DLEC1: variants seen among roughly 807,000 people sequenced by gnomAD.
DLEC1 encodes the protein DLEC1 cilia and flagella associated protein.
A neutral mutation model predicts 198.1 loss-of-function variants in DLEC1; 146 were observed. The ratio of observed to expected loss-of-function variants is 0.74; its 90% CI spans 0.64 to 0.85. DLEC1 has a LOEUF of 0.85. Ranked by LOEUF, DLEC1 falls within the 40% of genes least tolerant of loss-of-function variation. The probability of loss-of-function intolerance (pLI) is 0.00; values close to 1 mark genes in which losing one functional copy is unlikely to be tolerated. For synonymous variants in DLEC1, 897 were observed against 866.8 expected, an observed-to-expected ratio of 1.03 and a Z score of -0.61; for missense variants, 2,233 against 2,220.0, an observed-to-expected ratio of 1.01 and a Z score of -0.12.
intron 5 of DLEC1, 59 bp downstream of exon 5, chr3:38,062,860 T>C (rs758298323): frequency 8.9e-6 from 14 of 1,571,110 alleles, no homozygotes; most frequent in Middle Eastern, 1.7e-4. Flanking sequence ...TTAACCTAGA[T>C]GGTCCTCCGT....
chr3:38,082,528 G>C (rs1217197051), intron 6 of DLEC1, among the ~76,000 whole-genome samples: 1 of 152,192 alleles, frequency 6.6e-6, no homozygotes, highest in African/African-American at 2.4e-5. Context: ...AAGGGGTCAG[G>C]GCACGGAAAT....
At chr3:38,084,621 T>TGGTGGTGGTAGTAGTGGTGGTG (rs1553617798) in intron 7 of DLEC1, among the ~76,000 whole-genome samples, 1 of 126,390 alleles carries the variant, frequency 7.9e-6, no homozygotes, top group Non-Finnish European at 1.7e-5. Flanking sequence ...GTAGCAGTAC[T>TGGTGGTGGTAGTAGTGGTGGTG]GCTACTACTT....
rs1559472148 is a variant in DLEC1, at chr3:38,122,521, T to TCC, written c.*110_*111insCC. 1 of 1,611,862 alleles carries TCC rather than the reference T, an allele frequency of 6.2e-7. No individual in the cohort carries two copies. The highest frequency in any genetic ancestry group is 1.7e-5 in the Admixed American group (1 of 59,966). ...ACACAGACTTGGGGACCTGGGGACC[T>TCC]CTGGGCAGCTCCTGGAATGGAAGAA... On this transcript the variant is annotated 3_prime_UTR_variant, in exon 37 of 37. Coordinates refer to ENST00000308059, the MANE Select transcript of DLEC1 (RefSeq NM_007335.4).
intron 6 of DLEC1, among the ~76,000 whole-genome samples, chr3:38,067,880 G>A (rs2125627661): frequency 6.6e-6 from 1 of 151,024 alleles, no homozygotes; most frequent in South Asian, 2.1e-4. Flanking sequence ...AGCCTCCTGT[G>A]TAACTGGGAT....
Position 38,097,568 on chromosome 3 carries a change from C to T in DLEC1, c.2496C>T (p.Ser832=). The T allele has an allele frequency of 6.2e-7, 1 of 1,614,188 alleles. No individual in the cohort carries two copies. Among genetic ancestry groups the T allele is most frequent in the Non-Finnish European group, 8.5e-7 (1 of 1,180,040 alleles). The change falls in exon 17 of 37, where the codon AGC becomes AGT. Residue 832 remains serine, a synonymous_variant. Coordinates refer to ENST00000308059, the MANE Select transcript of DLEC1 (RefSeq NM_007335.4). The part of the protein sequence containing the change: ...NFTGGVPGPT[S]QDLLCEIEDS... The stretch of plus-strand genomic sequence containing the variant: ...CTGGGGGTGTCCCTGGCCCCACAAG[C>T]CAGGACCTGCTGTGTGAAATCGAAG...
In DLEC1 at chr3:38,122,431, AG is replaced by A; in HGVS notation, c.*20del. 6.2e-7 allele frequency: 1 copy of A among 1,614,164 alleles called. No homozygotes were observed. Among genetic ancestry groups the A allele is most frequent in the Non-Finnish European group, 8.5e-7 (1 of 1,180,022 alleles). ...GCCCTGAGGCTCCGCCCCAGCCCTC[AG>A]CCCCAGGCCCCAGCTGGAGAAAAAA... On this transcript the variant is annotated 3_prime_UTR_variant, in exon 37 of 37. Coordinates refer to ENST00000308059, the MANE Select transcript of DLEC1 (RefSeq NM_007335.4).
chr3:38,104,903 TTTC>T (rs1442449881), intron 19 of DLEC1, among the ~76,000 whole-genome samples: 1 of 152,120 alleles, frequency 6.6e-6, no homozygotes, highest in Non-Finnish European at 1.5e-5. Context: ...ATTTGCAATC[TTTC>T]TTTTTTGTTT....
At position 38,100,311 on chromosome 3, in the gene DLEC1, C is replaced by T. The variant is rs761990187; in HGVS notation, c.2750C>T (p.Ser917Leu). Residue 917 changes from serine (S) to leucine (L), a missense_variant, in exon 19 of 37, where the codon TCG becomes TTG. Physicochemically the swap from Ser to Leu is moderately radical, Grantham distance 145. Transcript: ENST00000308059. ...GTGTCTCCCTTCGACATTGAGCCTT[C>T]GAGTGGCCAGCTTCACTCTCTGGGG... ...EDVSPFDIEP[S>L]SGQLHSLGEC... is the part of the protein sequence containing the mutation. The T allele has an allele frequency of 5.0e-6, 8 of 1,612,804 alleles. No homozygotes were observed. Among genetic ancestry groups the T allele is most frequent in the African/African-American group, 1.3e-5 (1 of 74,850 alleles).
chr3:38,109,592 GCA>G, intron 22 of DLEC1, 30 bp downstream of exon 22: 1 of 1,613,442 alleles, frequency 6.2e-7, no homozygotes, highest in Admixed American at 1.7e-5. Flanking sequence ...TCTGGGGGTG[GCA>G]GTGGACTGAG....
chr3:38,119,604 A>G (rs961985963), intron 33 of DLEC1, among the ~76,000 whole-genome samples: 2 of 150,950 alleles, frequency 1.3e-5, no homozygotes, highest in African/African-American at 4.9e-5. Flanking sequence ...CAGTGGCGTG[A>G]TCATGGTTCA....
chr3:38,104,125 G>T (rs1434641118), intron 19 of DLEC1, among the ~76,000 whole-genome samples: 5 of 152,148 alleles, frequency 3.3e-5, no homozygotes, highest in Non-Finnish European at 7.4e-5. Flanking sequence ...ATAACATGAG[G>T]TATGTTTGTA....
rs538295966 is a variant in DLEC1, at chr3:38,052,442, C to T, written c.562+6749C>T. On this transcript the variant is annotated intron_variant, in intron 2 of 36. Coordinates refer to ENST00000308059, the MANE Select transcript of DLEC1 (RefSeq NM_007335.4). ...CAAATAAGCAAGGGAAATCTCCCAA[C>T]AGCCAGAAACGAAGAGGGAGCTGAA... 64 of 199,236 alleles carry T rather than the reference C, an allele frequency of 3.2e-4. 1 individual carries two copies. Among genetic ancestry groups the T allele is most frequent in the Middle Eastern group, 1.8e-3 (1 of 562 alleles). The allele number at this position is 199,236 out of a possible 1,614,324, so 12.3% of individuals were successfully genotyped here.
chr3:38,052,695 T>C (rs1047893726), intron 2 of DLEC1, among the ~76,000 whole-genome samples: 1 of 152,216 alleles, frequency 6.6e-6, no homozygotes, highest in Non-Finnish European at 1.5e-5. Context: ...AGATCTTGCA[T>C]TGGGGTGGCC....
chr3:38,111,800 G>A (rs966761453), intron 24 of DLEC1, 53 bp downstream of exon 24: 23 of 1,579,742 alleles, frequency 1.5e-5, no homozygotes, highest in Non-Finnish European at 1.9e-5. Context: ...CAGAGCCACA[G>A]CCTTCTGTGG....
intron 10 of DLEC1, among the ~76,000 whole-genome samples, 182 bp from the exon 11 acceptor site, chr3:38,092,608 T>A (rs1434799495): frequency 6.6e-6 from 1 of 152,116 alleles, no homozygotes; most frequent in African/African-American, 2.4e-5. Flanking sequence ...GCTCCCTGCT[T>A]TTCTCTGGGG....
At chr3:38,074,277 T>C (rs1053381627) in intron 6 of DLEC1, among the ~76,000 whole-genome samples, 5 of 152,248 alleles carry the variant, frequency 3.3e-5, no homozygotes, top group African/African-American at 1.2e-4. Context: ...GGCTGCTTCC[T>C]CTCTATTATT....
Position 38,117,000 on chromosome 3 carries a change from C to G in DLEC1, c.4205C>G (p.Thr1402Ser). Residue 1402 changes from threonine to serine, a missense_variant, in exon 30 of 37, where the codon ACC (threonine) becomes AGC (serine). Coordinates refer to ENST00000308059, the MANE Select transcript of DLEC1 (RefSeq NM_007335.4). ...GTGGTCCCTGCTGGGGGCAGCAGTA[C>G]CATCTACATCTCCTTCACCCCTATG... The part of the protein sequence containing the change: ...QVVVPAGGSS[T>S]IYISFTPMVL... 6.2e-7 allele frequency: 1 copy of G among 1,613,940 alleles called. No individual in the cohort carries two copies. The highest frequency in any genetic ancestry group is 8.5e-7 in the Non-Finnish European group (1 of 1,179,938).
intron 34 of DLEC1, 147 bp downstream of exon 34, chr3:38,120,756 G>T (rs943605678): frequency 3.4e-6 from 4 of 1,175,678 alleles, no homozygotes; most frequent in African/African-American, 1.6e-5. Context: ...CCCTAGAAGA[G>T]GCCCTGTGTG....
At chr3:38,115,087 C>T (rs371797339) in intron 27 of DLEC1, 34 bp downstream of exon 27, 244 of 1,611,262 alleles carry the variant, frequency 1.5e-4, no homozygotes, top group Non-Finnish European at 1.9e-4. Flanking sequence ...AGTGTTCTTG[C>T]CACAGGCTGT....
Sources: gnomAD v4.1 joint callset for allele counts (sites outside exome capture counted in the v4.1 genomes callset) on GRCh38, gnomAD v4.1.1 for gene constraint, MANE v1.5 for transcripts, NCBI Gene and HGNC (gene_info 2026-07-23, HGNC 2026-07-21) for gene names.